RANBP2: variants seen among roughly 807,000 people sequenced by gnomAD.
RANBP2 encodes E3 SUMO-protein ligase RanBP2.
In RANBP2, 57 loss-of-function variants were observed where a neutral mutation model predicts 303.6. The ratio of observed to expected loss-of-function variants is 0.19; its 90% CI spans 0.15 to 0.23. RANBP2 has a LOEUF of 0.23. Ranked by LOEUF, RANBP2 falls within the 10% of genes least tolerant of loss-of-function variation. RANBP2 has a pLI of 1.00. For synonymous variants in RANBP2, 1,167 were observed against 1,301.5 expected (o/e 0.90, Z 2.23); for missense variants, 3,138 against 3,780.8 (o/e 0.83, Z 4.46).
chr2:109,214,012 A>G, the RANBP2 span, among the ~76,000 whole-genome samples: 2 of 151,986 alleles, frequency 1.3e-5, no homozygotes, highest in Non-Finnish European at 2.9e-5. Context: ...CAGGGGAGGG[A>G]GGAGCTCTGA....
chr2:108,880,591 C>T, the RANBP2 span, among the ~76,000 whole-genome samples: 2,665 of 152,260 alleles, frequency 0.018, 88 homozygotes, highest in African/African-American at 0.062. Context: ...AGGCAATGCT[C>T]ATTTGCCATT....
the RANBP2 span, among the ~76,000 whole-genome samples, chr2:108,887,484 A>G: frequency 1.3e-5 from 2 of 152,126 alleles, no homozygotes; most frequent in Admixed American, 6.5e-5. Context: ...TTTTAATGAT[A>G]CTAATTTCTC....
chr2:109,058,764 A>G, the RANBP2 span, among the ~76,000 whole-genome samples: 1 of 152,142 alleles, frequency 6.6e-6, no homozygotes, highest in African/African-American at 2.4e-5. Context: ...TGCTGAGAGG[A>G]GACGGGCAGA....
chr2:109,478,070 C>T, the RANBP2 span, among the ~76,000 whole-genome samples: 3 of 152,342 alleles, frequency 2.0e-5, no homozygotes, highest in East Asian at 5.8e-4. Flanking sequence ...CTGAGTGTCC[C>T]ATCCACCACA....
the RANBP2 span, among the ~76,000 whole-genome samples, chr2:108,795,451 C>G: frequency 6.6e-6 from 1 of 152,088 alleles, no homozygotes; most frequent in Non-Finnish European, 1.5e-5. Context: ...GCCACAGTGC[C>G]CAGCCTAAAG....
chr2:109,308,890 T>C, the RANBP2 span, among the ~76,000 whole-genome samples: 11 of 78,222 alleles, frequency 1.4e-4, 3 homozygotes, highest in Non-Finnish European at 2.1e-4. Context: ...TGGCTTAGGA[T>C]TGACTTGGTG....
At chr2:108,757,243 G>T (rs1343518781) in intron 17 of RANBP2, among the ~76,000 whole-genome samples, 1 of 152,138 alleles carries the variant, frequency 6.6e-6, no homozygotes. Flanking sequence ...CATTTTGTAG[G>T]TTCTAGGGTT....
the RANBP2 span, among the ~76,000 whole-genome samples, chr2:109,507,763 T>G: frequency 6.6e-6 from 1 of 152,102 alleles, no homozygotes; most frequent in East Asian, 1.9e-4. Context: ...AAAAACCAAC[T>G]GGAATAAGTC....
chr2:109,613,817 G>C, the RANBP2 span: 1 of 1,235,956 alleles, frequency 8.1e-7, no homozygotes, highest in South Asian at 3.9e-5. Flanking sequence ...CGCCACCTCG[G>C]AGGAGGCCAT....
At chr2:109,174,421 A>T in the RANBP2 span, among the ~76,000 whole-genome samples, 2 of 152,182 alleles carry the variant, frequency 1.3e-5, no homozygotes, top group South Asian at 4.1e-4. Context: ...AATACTCCAC[A>T]GCTGGGGCGT....
At chr2:109,706,666 T>C in the RANBP2 span, among the ~76,000 whole-genome samples, 2 of 152,224 alleles carry the variant, frequency 1.3e-5, no homozygotes, top group African/African-American at 4.8e-5. Context: ...GGTCATTCTT[T>C]TGTCCACTGA....
chr2:108,913,093 C>T, the RANBP2 span, among the ~76,000 whole-genome samples: 1 of 152,068 alleles, frequency 6.6e-6, no homozygotes, highest in South Asian at 2.1e-4. Flanking sequence ...GGACTACAGG[C>T]ACCCACCACC....
chr2:109,669,992 A>G, the RANBP2 span, among the ~76,000 whole-genome samples: 1 of 148,988 alleles, frequency 6.7e-6, no homozygotes, highest in Non-Finnish European at 1.5e-5. Flanking sequence ...CCTTTCTACC[A>G]CCCTGGCCAT....
At chr2:109,761,583 C>T in the RANBP2 span, among the ~76,000 whole-genome samples, 1 of 148,234 alleles carries the variant, frequency 6.7e-6, no homozygotes, top group Non-Finnish European at 1.5e-5. Flanking sequence ...ATTCCAGTTG[C>T]GGGTGTCTTA....
chr2:108,956,808 A>T, the RANBP2 span, among the ~76,000 whole-genome samples: 1 of 149,048 alleles, frequency 6.7e-6, no homozygotes, highest in Non-Finnish European at 1.5e-5. Context: ...TTTTTTTGAG[A>T]CAGAGTTTTT....
intron 6 of RANBP2, among the ~76,000 whole-genome samples, chr2:108,736,809 A>G (rs2149134092): frequency 6.6e-6 from 1 of 152,216 alleles, no homozygotes; most frequent in Non-Finnish European, 1.5e-5. Flanking sequence ...TTGTATAAAG[A>G]TGTTAGTTTA....
chr2:109,658,497 A>C, the RANBP2 span, among the ~76,000 whole-genome samples: 1 of 152,190 alleles, frequency 6.6e-6, no homozygotes, highest in East Asian at 1.9e-4. Flanking sequence ...CTTTTTATTT[A>C]AACAGACACC....
chr2:109,015,471 A>G, the RANBP2 span, among the ~76,000 whole-genome samples: 6 of 152,038 alleles, frequency 3.9e-5, no homozygotes, highest in African/African-American at 1.2e-4. Context: ...TAAATACAGT[A>G]TATAGGCCGG....
At chr2:108,862,771 G>A in the RANBP2 span, among the ~76,000 whole-genome samples, 1 of 151,748 alleles carries the variant, frequency 6.6e-6, no homozygotes, top group Non-Finnish European at 1.5e-5. Flanking sequence ...TTCCACAAAC[G>A]GTTTTCTTGA....
Sources: gnomAD v4.1 joint callset for allele counts (sites outside exome capture counted in the v4.1 genomes callset) on GRCh38, gnomAD v4.1.1 for gene constraint, MANE v1.5 for transcripts, NCBI Gene and HGNC (gene_info 2026-07-23, HGNC 2026-07-21) for gene names.